STX8: variants seen among roughly 807,000 people sequenced by gnomAD.
The protein encoded by STX8 is syntaxin-8.
A neutral mutation model predicts 37.5 loss-of-function variants in STX8; 23 were observed. That is an observed-to-expected ratio of 0.61 (90% CI 0.44 to 0.87). The LOEUF (loss-of-function observed/expected upper bound fraction) is 0.87. Among genes scored for constraint, STX8 ranks in the 40% least tolerant of loss-of-function variants. The pLI, the probability that STX8 is intolerant of heterozygous loss-of-function variation, is 0.00. For missense variants in STX8, 313 were observed against 284.7 expected, an observed-to-expected ratio of 1.10 and a Z score of -0.71; for synonymous variants, 115 against 99.1, an observed-to-expected ratio of 1.16 and a Z score of -0.95.
At chr17:9,504,920 G>A in intron 5 of STX8, 118 bp downstream of exon 5, 1 of 1,074,686 alleles carries the variant, frequency 9.3e-7, no homozygotes, top group Non-Finnish European at 1.3e-6. Flanking sequence ...GTTGCAGTGA[G>A]CCAAGATCAC....
At chr17:9,346,078 C>G (rs568419662) in intron 7 of STX8, among the ~76,000 whole-genome samples, 1 of 152,156 alleles carries the variant, frequency 6.6e-6, no homozygotes, top group East Asian at 1.9e-4. Flanking sequence ...TCTCAGACCC[C>G]TGACCTCAAG....
intron 7 of STX8, among the ~76,000 whole-genome samples, chr17:9,318,963 A>G (rs1244272439): frequency 6.6e-6 from 1 of 152,216 alleles, no homozygotes. Flanking sequence ...AGCAGAAGAT[A>G]GCATGTAGAA....
intron 6 of STX8, among the ~76,000 whole-genome samples, chr17:9,482,763 A>G (rs1397134267): frequency 6.6e-6 from 1 of 152,004 alleles, no homozygotes; most frequent in Non-Finnish European, 1.5e-5. Flanking sequence ...AAAATACAAA[A>G]ATTAGCTGGG....
At chr17:9,568,219 C>T in intron 2 of STX8, 152 bp downstream of exon 2, 1 of 570,916 alleles carries the variant, frequency 1.8e-6, no homozygotes, top group Non-Finnish European at 3.1e-6. Context: ...TACATCACTA[C>T]TAACTGGTTG....
intron 7 of STX8, among the ~76,000 whole-genome samples, chr17:9,335,423 C>T (rs921320868): frequency 3.3e-5 from 5 of 152,184 alleles, no homozygotes; most frequent in Admixed American, 2.6e-4. Flanking sequence ...CTGATGAGGG[C>T]ACGGCCCTCA....
intron 6 of STX8, among the ~76,000 whole-genome samples, chr17:9,415,288 T>C (rs928503959): frequency 1.3e-5 from 2 of 152,118 alleles, no homozygotes; most frequent in Non-Finnish European, 1.5e-5. Flanking sequence ...AAACTAATTA[T>C]AAAATGAAAC....
At position 9,463,119 on chromosome 17, in the gene STX8, C is replaced by T. The variant is rs947562802; in HGVS notation, c.541+28710G>A. On this transcript the variant is annotated intron_variant, in intron 6 of 7. Coordinates refer to ENST00000306357, the MANE Select transcript of STX8 (RefSeq NM_004853.3). ...AGAATCCTCATCCCAGAACACATCC[C>T]TATGCCTAGCTGGCCTCATGGTTTA... Among the ~76,000 whole-genome samples, 6 of 152,330 alleles carry T rather than the reference C, an allele frequency of 3.9e-5. No individual in the cohort carries two copies. The South Asian group carries it at 8.3e-4, about 21-fold the overall frequency.
rs780279501 is a variant in STX8 at position 9,505,040 on chromosome 17, T to G, written c.446A>C (p.Gln149Pro). The G allele has an allele frequency of 3.1e-6, 5 of 1,611,062 alleles. No homozygotes were observed. The highest frequency in any genetic ancestry group is 4.2e-6 in the Non-Finnish European group (5 of 1,178,582). ...ACACTCCTCAGGATATTTAGTACCT[T>G]GGATAATTTTCTGCTGCTGTTGCCG... Reference protein sequence around the residue: ...EIRQQQQKIIQEQDAGLDALS... With the variant: ...EIRQQQQKIIPEQDAGLDALS... Residue 149 changes from glutamine (Q) to proline (P), a missense_variant and splice_region_variant, in exon 5 of 8, where the codon CAA becomes CCA. By Grantham distance (76) the Gln-to-Pro change is moderately conservative. Coordinates refer to ENST00000306357, the MANE Select transcript of STX8 (RefSeq NM_004853.3).
chr17:9,575,049 C>T (rs181428110), intron 1 of STX8, among the ~76,000 whole-genome samples: 1 of 152,158 alleles, frequency 6.6e-6, no homozygotes, highest in African/African-American at 2.4e-5. Flanking sequence ...AATTATTAAG[C>T]AGAAAGGTCA....
At chr17:9,414,599 G>A (rs2142339928) in intron 6 of STX8, among the ~76,000 whole-genome samples, 1 of 152,094 alleles carries the variant, frequency 6.6e-6, no homozygotes, top group East Asian at 1.9e-4. Flanking sequence ...ACTGTCTGAG[G>A]TACTCAGTGA....
intron 7 of STX8, among the ~76,000 whole-genome samples, chr17:9,335,461 CCTCTT>C (rs1234449740): frequency 1.3e-5 from 2 of 152,152 alleles, no homozygotes; most frequent in African/African-American, 4.8e-5. Flanking sequence ...AAAGGTCTCA[CCTCTT>C]AAGACCATCA....
chr17:9,293,288 T>G (rs188571856), intron 7 of STX8, among the ~76,000 whole-genome samples: 39 of 152,244 alleles, frequency 2.6e-4, no homozygotes, highest in African/African-American at 8.2e-4. Flanking sequence ...TAGGAGTATC[T>G]AAGGGATGCT....
intron 6 of STX8, among the ~76,000 whole-genome samples, chr17:9,409,568 G>A (rs528979893): frequency 6.6e-6 from 1 of 152,228 alleles, no homozygotes; most frequent in African/African-American, 2.4e-5. Flanking sequence ...GTTTAAAACT[G>A]CCTGTTTCCA....
intron 4 of STX8, among the ~76,000 whole-genome samples, chr17:9,530,260 G>A (rs1487971668): frequency 2.0e-5 from 3 of 147,524 alleles, no homozygotes; most frequent in Non-Finnish European, 1.5e-5. Context: ...GCAGTGAGCC[G>A]AGATCGCGCC....
intron 6 of STX8, among the ~76,000 whole-genome samples, chr17:9,486,410 GA>G (rs1906599352): frequency 6.6e-6 from 1 of 152,234 alleles, no homozygotes; most frequent in Admixed American, 6.5e-5. Flanking sequence ...CACCAGCAGA[GA>G]TTTGTTCTTG....
At position 9,514,788 on chromosome 17, in the gene STX8, T is replaced by C. The variant is rs138490003; in HGVS notation, c.324-9626A>G. Among the ~76,000 whole-genome samples, 1,505 of 152,250 alleles carry C rather than the reference T, an allele frequency of 9.9e-3. 24 individuals are homozygous for C. Among genetic ancestry groups the C allele is most frequent in the African/African-American group, 0.033 (1,391 of 41,544 alleles). ...AGCCTTGTTCACATCTCCCATATCATCCAGAAACAATTGCTACCCTATTAT... is the reference window on the plus strand; with the variant it reads ...AGCCTTGTTCACATCTCCCATATCACCCAGAAACAATTGCTACCCTATTAT... On this transcript the variant is annotated intron_variant, in intron 4 of 7. Transcript: ENST00000306357.
intron 1 of STX8, among the ~76,000 whole-genome samples, chr17:9,570,571 A>G (rs906600341): frequency 6.6e-6 from 1 of 152,140 alleles, no homozygotes; most frequent in Non-Finnish European, 1.5e-5. Context: ...TGTGTAGGGA[A>G]AAATAGCAGT....
At chr17:9,278,753 G>A (rs1261306927) in intron 7 of STX8, among the ~76,000 whole-genome samples, 2 of 151,746 alleles carry the variant, frequency 1.3e-5, no homozygotes, top group Non-Finnish European at 2.9e-5. Flanking sequence ...GAGGAGAGAG[G>A]AAAGATCACG....
chr17:9,353,818 A>G (rs1597620767), intron 7 of STX8, among the ~76,000 whole-genome samples: 1 of 152,148 alleles, frequency 6.6e-6, no homozygotes, highest in Admixed American at 6.5e-5. Context: ...CCTATTTGTA[A>G]GTTTATTTCT....
Sources: allele counts gnomAD v4.1 joint callset (sites outside exome capture counted in the v4.1 genomes callset), GRCh38; gene constraint gnomAD v4.1.1; transcripts MANE v1.5; gene names NCBI Gene and HGNC (gene_info 2026-07-23, HGNC 2026-07-21).